Variants in KALRN observed in about 807,000 individuals in gnomAD.
KALRN encodes kalirin.
Under a neutral mutation model 353.7 loss-of-function variants are expected in KALRN, and 70 were observed. The ratio of observed to expected loss-of-function variants is 0.20; its 90% CI spans 0.16 to 0.24. KALRN has a LOEUF of 0.24. KALRN is among the 10% of genes least tolerant of loss of function. The pLI is 1.00. For missense variants in KALRN, 2,791 were observed against 3,756.7 expected (o/e 0.74, Z 6.72); for synonymous variants, 1,391 against 1,434.8 (o/e 0.97, Z 0.69).
intron 5 of KALRN, 22 bp downstream of exon 5, chr3:124,269,277 C>G: frequency 6.4e-7 from 1 of 1,565,862 alleles, no homozygotes; most frequent in Admixed American, 1.8e-5. Context: ...ACAGGCCAAA[C>G]CTGAGCCGGG....
In KALRN at chr3:124,569,313, C is replaced by A. The variant is rs372303186; in HGVS notation, c.5182+6224C>A. 7.4e-4 allele frequency among the ~76,000 whole-genome samples: 112 copies of A among 152,256 alleles called. 2 individuals are homozygous for A. In the South Asian group the frequency reaches 0.019, roughly 26 times the overall value. Reference sequence around the variant, plus strand: ...ACCTACTTGGCCTCAGGAACAGCTTCCCCATGCTGCAGAAGGTGGTGGAGA... The same window carrying A: ...ACCTACTTGGCCTCAGGAACAGCTTACCCATGCTGCAGAAGGTGGTGGAGA... On this transcript the variant is annotated intron_variant, in intron 34 of 59. Coordinates refer to ENST00000682506, the MANE Select transcript of KALRN (RefSeq NM_001388419.1).
chr3:124,314,198 T>C (rs546821940), intron 6 of KALRN, among the ~76,000 whole-genome samples: 6 of 152,056 alleles, frequency 3.9e-5, no homozygotes, highest in African/African-American at 1.4e-4. Context: ...ATGTCCTTTA[T>C]AGGGACATGG....
At chr3:124,079,119 A>G (rs1227388763) in intron 1 of KALRN, among the ~76,000 whole-genome samples, 1 of 152,226 alleles carries the variant, frequency 6.6e-6, no homozygotes, top group Non-Finnish European at 1.5e-5. Flanking sequence ...TTCTGACCCT[A>G]CAGATAGTTC....
intron 25 of KALRN, among the ~76,000 whole-genome samples, chr3:124,467,808 G>A (rs1170975287): frequency 6.6e-6 from 1 of 152,156 alleles, no homozygotes; most frequent in African/African-American, 2.4e-5. Flanking sequence ...CAAAAGGAAA[G>A]GAGGAGAGAG....
intron 28 of KALRN, among the ~76,000 whole-genome samples, chr3:124,485,140 G>C (rs1030933445): frequency 6.6e-6 from 1 of 152,164 alleles, no homozygotes; most frequent in Non-Finnish European, 1.5e-5. Context: ...TATTTTTCTT[G>C]TGCTAACAGA....
At chr3:124,509,365 C>T (rs752346787) in intron 33 of KALRN, among the ~76,000 whole-genome samples, 33 of 152,164 alleles carry the variant, frequency 2.2e-4, no homozygotes, top group Non-Finnish European at 4.1e-4. Context: ...CACACCACCA[C>T]GCCCAACTAA....
At chr3:124,304,147 C>CACACACACACACAG (rs1324907143) in intron 6 of KALRN, among the ~76,000 whole-genome samples, 3 of 150,570 alleles carry the variant, frequency 2.0e-5, no homozygotes, top group African/African-American at 7.3e-5. Context: ...CACACACACA[C>CACACACACACACAG]ACACACACAC....
chr3:124,286,950 C>T (rs2075968650), intron 5 of KALRN, among the ~76,000 whole-genome samples: 2 of 152,054 alleles, frequency 1.3e-5, no homozygotes, highest in Non-Finnish European at 2.9e-5. Flanking sequence ...TTATCTTTCC[C>T]TAAATATCTT....
chr3:124,525,601 G>A (rs1179959456), intron 33 of KALRN, among the ~76,000 whole-genome samples: 1 of 152,150 alleles, frequency 6.6e-6, no homozygotes, highest in Admixed American at 6.5e-5. Flanking sequence ...AGATTCACGA[G>A]GACTTGCCTG....
At chr3:124,509,570 G>A (rs898144584) in intron 33 of KALRN, among the ~76,000 whole-genome samples, 4 of 152,196 alleles carry the variant, frequency 2.6e-5, no homozygotes, top group Non-Finnish European at 5.9e-5. Flanking sequence ...TACCAACATG[G>A]AAACTTAATA....
At chr3:124,240,758 T>C (rs768888141) in intron 3 of KALRN, among the ~76,000 whole-genome samples, 7 of 152,108 alleles carry the variant, frequency 4.6e-5, no homozygotes, top group Admixed American at 1.3e-4. Context: ...AAATGGAAGA[T>C]ATTTGGCACA....
intron 1 of KALRN, among the ~76,000 whole-genome samples, chr3:124,155,089 A>G (rs2068778591): frequency 6.6e-6 from 1 of 152,156 alleles, no homozygotes; most frequent in African/African-American, 2.4e-5. Context: ...CCTTCCTTAC[A>G]CCTTATACAA....
rs10639598 is a variant in KALRN at position 124,466,034 on chromosome 3, C to CTGTGTGTGTGTGTG, written c.4031+3431_4031+3444dup. Among the ~76,000 whole-genome samples the CTGTGTGTGTGTGTG allele has an allele frequency of 1.3e-3, 193 of 147,456 alleles. 2 individuals are homozygous for CTGTGTGTGTGTGTG. In the East Asian group the frequency reaches 0.022, roughly 17 times the overall value. ...ACCAGGATTAGTTCTCTCTCTTGCTCTGTGTGTGTGTGTGTGTGTGTGTGT... is the reference window on the plus strand; with the variant it reads ...ACCAGGATTAGTTCTCTCTCTTGCTCTGTGTGTGTGTGTGTGTGTGTGTGTGTGTGTGTGTGTGT... On this transcript the variant is annotated intron_variant, in intron 25 of 59. Transcript: ENST00000682506.
intron 5 of KALRN, among the ~76,000 whole-genome samples, chr3:124,276,979 G>A (rs528227084): frequency 4.0e-5 from 6 of 151,808 alleles, no homozygotes; most frequent in African/African-American, 4.8e-5. Flanking sequence ...GTGTGCACAC[G>A]TGCACACACA....
chr3:124,420,120 C>G (rs75612135), intron 14 of KALRN, among the ~76,000 whole-genome samples: 3,296 of 152,336 alleles, frequency 0.022, 116 homozygotes, highest in African/African-American at 0.074. Context: ...GCAATAAGCA[C>G]TGTCTTCATC....
intron 1 of KALRN, among the ~76,000 whole-genome samples, chr3:124,192,096 A>G (rs1263108641): frequency 1.3e-5 from 2 of 152,188 alleles, no homozygotes; most frequent in African/African-American, 4.8e-5. Flanking sequence ...GTCCCACCTA[A>G]AATTCATATG....
At chr3:124,709,279 T>G (rs1363635796) in intron 57 of KALRN, among the ~76,000 whole-genome samples, 2 of 152,220 alleles carry the variant, frequency 1.3e-5, no homozygotes, top group African/African-American at 4.8e-5. Flanking sequence ...AATTTTATTT[T>G]TATTTATTTA....
rs763705498 is a variant in KALRN at position 124,438,951 on chromosome 3, C to A, written c.3112C>A (p.Arg1038=). The change falls in exon 18 of 60, where the codon CGA becomes AGA. Residue 1038 remains arginine, a synonymous_variant. Coordinates refer to ENST00000682506, the MANE Select transcript of KALRN (RefSeq NM_001388419.1). ...GAGAGATGAGGACTGGTGTGGTGGA[C>A]GAGATAAGCTGGGGCCAGCAGCAGA... is the stretch of plus-strand genomic sequence containing the variant. ...YRRDEDWCGG[R]DKLGPAAEID... 6 of 1,613,956 alleles carry A rather than the reference C, an allele frequency of 3.7e-6. No homozygotes were observed. The highest frequency in any genetic ancestry group is 5.1e-6 in the Non-Finnish European group (6 of 1,179,952).
chr3:124,475,527 C>T (rs542601836), intron 26 of KALRN, among the ~76,000 whole-genome samples: 4 of 152,292 alleles, frequency 2.6e-5, no homozygotes, highest in South Asian at 2.1e-4. Flanking sequence ...CAGGGTCAAG[C>T]GTTCTACTAT....
Sources: allele counts gnomAD v4.1 joint callset (sites outside exome capture counted in the v4.1 genomes callset), GRCh38; gene constraint gnomAD v4.1.1; transcripts MANE v1.5; gene names NCBI Gene and HGNC (gene_info 2026-07-23, HGNC 2026-07-21).